The following CCDC158 variants were observed in gnomAD, a reference collection of about 807,000 sequenced individuals.
The protein encoded by CCDC158 is coiled-coil domain-containing protein 158.
In CCDC158, 116 loss-of-function variants were observed where a neutral mutation model predicts 138.6. The ratio of observed to expected loss-of-function variants is 0.84; its 90% CI spans 0.72 to 0.98. The LOEUF is 0.98. CCDC158 is among the 50% of genes least tolerant of loss of function. CCDC158 has a pLI of 0.00. For synonymous variants in CCDC158, 436 were observed against 442.4 expected (o/e 0.99, Z 0.18); for missense variants, 1,265 against 1,306.1 (o/e 0.97, Z 0.48).
At chr4:76,372,456 T>G (rs1220908598) in intron 9 of CCDC158, among the ~76,000 whole-genome samples, 3 of 152,058 alleles carry the variant, frequency 2.0e-5, no homozygotes, top group Non-Finnish European at 2.9e-5. Context: ...AAAAGGAAGC[T>G]TGATATGGCA....
At chr4:76,359,789 T>A (rs567604938) in intron 13 of CCDC158, among the ~76,000 whole-genome samples, 1 of 152,198 alleles carries the variant, frequency 6.6e-6, no homozygotes, top group Non-Finnish European at 1.5e-5. Flanking sequence ...AAGTAGAGCA[T>A]AAAAGTTTGG....
intron 19 of CCDC158, among the ~76,000 whole-genome samples, chr4:76,333,126 A>AT (rs1218183498): frequency 6.6e-6 from 1 of 152,214 alleles, no homozygotes; most frequent in Non-Finnish European, 1.5e-5. Context: ...ATGCTAAGGT[A>AT]ACTGGACTGT....
intron 21 of CCDC158, among the ~76,000 whole-genome samples, chr4:76,329,684 C>T (rs942902017): frequency 7.2e-5 from 11 of 152,182 alleles, no homozygotes; most frequent in African/African-American, 2.4e-4. Context: ...CTACATAGTT[C>T]TCTGTGAGTT....
chr4:76,395,564 T>C (rs1328611879), intron 4 of CCDC158, among the ~76,000 whole-genome samples: 1 of 151,872 alleles, frequency 6.6e-6, no homozygotes, highest in Non-Finnish European at 1.5e-5. Flanking sequence ...GCAGACAAGG[T>C]AGAGAAGAGA....
At chr4:76,386,496 C>G (rs755795861) in intron 4 of CCDC158, among the ~76,000 whole-genome samples, 1 of 152,180 alleles carries the variant, frequency 6.6e-6, no homozygotes, top group African/African-American at 2.4e-5. Context: ...AGTAATGGGG[C>G]TTTTGAGTTC....
At chr4:76,324,544 C>T (rs556358678) in intron 23 of CCDC158, among the ~76,000 whole-genome samples, 11 of 151,826 alleles carry the variant, frequency 7.2e-5, no homozygotes, top group East Asian at 1.9e-4. Context: ...TGACAATAAG[C>T]GGGGGGTTGG....
chr4:76,397,311 G>A (rs538297683), intron 3 of CCDC158, among the ~76,000 whole-genome samples: 10 of 152,050 alleles, frequency 6.6e-5, no homozygotes, highest in Non-Finnish European at 1.3e-4. Context: ...AGATAGGGAT[G>A]GGAGCAAGAC....
chr4:76,313,246 G>T lies in CCDC158; in HGVS notation c.3278C>A (p.Ala1093Glu). ...TTGATTTCTGATCATTGAAGACATT[G>T]CTGAAAATGTTGATAAAACAGTTAG... ...LVEDLQLKNQ[A>E]MSSMIRNQEK... is the part of the protein sequence containing the mutation. Residue 1093 changes from alanine (A) to glutamate (E), a missense_variant and splice_region_variant, in exon 25 of 25, where the codon GCA becomes GAA. By Grantham distance (107) the Ala-to-Glu change is moderately radical. Coordinates refer to ENST00000682701, the MANE Select transcript of CCDC158 (RefSeq NM_001394954.1). The T allele has an allele frequency of 1.3e-6, 2 of 1,588,952 alleles. No individual in the cohort carries two copies. The highest frequency in any genetic ancestry group is 2.3e-5 in the South Asian group (2 of 88,612).
intron 11 of CCDC158, among the ~76,000 whole-genome samples, chr4:76,368,774 G>A (rs1354294077): frequency 6.6e-6 from 1 of 152,140 alleles, no homozygotes; most frequent in Non-Finnish European, 1.5e-5. Flanking sequence ...TTCTCAGGCT[G>A]CCCAATAATT....
intron 12 of CCDC158, among the ~76,000 whole-genome samples, chr4:76,364,930 C>T (rs1468761715): frequency 1.3e-5 from 2 of 152,204 alleles, no homozygotes; most frequent in African/African-American, 2.4e-5. Flanking sequence ...AGTAAAGGCC[C>T]TAATCTGGGC....
chr4:76,365,854 C>T (rs563082913), intron 12 of CCDC158, among the ~76,000 whole-genome samples: 100 of 152,274 alleles, frequency 6.6e-4, no homozygotes, highest in Non-Finnish European at 1.2e-3. Context: ...TTAAAAAGCC[C>T]TCCAGGCGAT....
chr4:76,339,567 T>A (rs1205619252), intron 18 of CCDC158, among the ~76,000 whole-genome samples: 3 of 152,256 alleles, frequency 2.0e-5, no homozygotes, highest in Non-Finnish European at 2.9e-5. Context: ...CAGGAGCACA[T>A]GTTATGTGTG....
At chr4:76,336,195 A>C (rs1284020921) in intron 18 of CCDC158, among the ~76,000 whole-genome samples, 1 of 150,344 alleles carries the variant, frequency 6.7e-6, no homozygotes, top group Non-Finnish European at 1.5e-5. Flanking sequence ...AAAAAAAAAA[A>C]AAAAAAAAAA....
chr4:76,344,964 T>A, intron 18 of CCDC158: 8 of 1,491,324 alleles, frequency 5.4e-6, no homozygotes, highest in Non-Finnish European at 7.5e-6. Context: ...GCTGAAGAAG[T>A]CCTTTTTACT....
chr4:76,325,860 T>C lies in CCDC158; in HGVS notation c.3166A>G (p.Lys1056Glu), dbSNP rs1720473861. The C allele has an allele frequency of 2.5e-6, 4 of 1,608,014 alleles. No homozygotes were observed. Among genetic ancestry groups the C allele is most frequent in the Non-Finnish European group, 3.4e-6 (4 of 1,177,944 alleles). ...AATGATATCAGATCTTTCTTACCTTTAACAGAATCAGATGAATGAATAGGT... is the reference window on the plus strand; with the variant it reads ...AATGATATCAGATCTTTCTTACCTTCAACAGAATCAGATGAATGAATAGGT... ...AKPIHSSDSV[K>E]DSQSPPIETT... The change falls in exon 23 of 25, where the codon AAA (lysine) becomes GAA (glutamate). Residue 1056 changes from lysine (K) to glutamate (E), a missense_variant. By Grantham distance (56) the Lys-to-Glu change is moderately conservative (BLOSUM62 1). Coordinates refer to ENST00000682701, the MANE Select transcript of CCDC158 (RefSeq NM_001394954.1).
intron 3 of CCDC158, among the ~76,000 whole-genome samples, chr4:76,398,995 A>C (rs1229711700): frequency 2.0e-5 from 3 of 152,232 alleles, no homozygotes; most frequent in African/African-American, 4.8e-5. Flanking sequence ...AACACATTAG[A>C]TAATACTGTA....
rs552933005 is a variant in CCDC158, at chr4:76,383,543, A to G, written c.803+119T>C. 3.4e-5 allele frequency: 24 copies of G among 697,300 alleles called. No homozygotes were observed. In the East Asian group the frequency reaches 6.2e-4, roughly 18 times the overall value. The allele number at this position is 697,300 out of a possible 1,614,324, so 43.2% of individuals were successfully genotyped here. On this transcript the variant is annotated intron_variant, in intron 7 of 24. Transcript: ENST00000682701. ...CAAAATGTTAACATGAGTTTCCTAT[A>G]AACCTATAAAAAAACTTATGTGTTT...
intron 18 of CCDC158, among the ~76,000 whole-genome samples, chr4:76,338,550 G>A (rs2110125350): frequency 6.6e-6 from 1 of 152,132 alleles, no homozygotes; most frequent in Middle Eastern, 3.4e-3. Flanking sequence ...TAGCAGAGAG[G>A]GTTGACTGCA....
At chr4:76,357,606 A>G (rs1197282030) in intron 13 of CCDC158, 80 bp from the exon 14 acceptor site, 12 of 927,198 alleles carry the variant, frequency 1.3e-5, no homozygotes, top group Non-Finnish European at 1.8e-5. Flanking sequence ...TTTGTAATTA[A>G]TGATCACAGA....
Sources: gnomAD v4.1 joint callset for allele counts (sites outside exome capture counted in the v4.1 genomes callset) on GRCh38, gnomAD v4.1.1 for gene constraint, MANE v1.5 for transcripts, NCBI Gene and HGNC (gene_info 2026-07-23, HGNC 2026-07-21) for gene names.